DLGAP2: variants seen among roughly 807,000 people sequenced by gnomAD.
The protein encoded by DLGAP2 is DLG associated protein 2.
A neutral mutation model predicts 100.3 loss-of-function variants in DLGAP2; 26 were observed. The ratio of observed to expected loss-of-function variants is 0.26; its 90% CI spans 0.19 to 0.36. The LOEUF is 0.36. DLGAP2 is among the 10% of genes least tolerant of loss of function. The pLI is 1.00. For synonymous variants in DLGAP2, 886 were observed against 630.1 expected, an observed-to-expected ratio of 1.41 and a Z score of -6.08; for missense variants, 1,858 against 1,453.2, an observed-to-expected ratio of 1.28 and a Z score of -4.53.
intron 4 of DLGAP2, among the ~76,000 whole-genome samples, chr8:1,517,101 A>C (rs61701862): frequency 0.018 from 2,702 of 152,154 alleles, 80 homozygotes; most frequent in African/African-American, 0.059. Context: ...CTCAAGGTCC[A>C]AGTCTTCATT....
intron 3 of DLGAP2, among the ~76,000 whole-genome samples, chr8:1,455,601 G>A (rs1342494359): frequency 6.6e-6 from 1 of 152,202 alleles, no homozygotes; most frequent in Non-Finnish European, 1.5e-5. Flanking sequence ...GAGGCGGAGC[G>A]CACCTCATCT....
chr8:993,868 A>G (rs999195706), intron 2 of DLGAP2, among the ~76,000 whole-genome samples: 1 of 143,004 alleles, frequency 7.0e-6, no homozygotes, highest in Non-Finnish European at 1.5e-5. Flanking sequence ...CTTTGATAAT[A>G]CACCAGTTAG....
At chr8:1,330,434 A>T (rs1215184010) in intron 3 of DLGAP2, among the ~76,000 whole-genome samples, 1 of 133,024 alleles carries the variant, frequency 7.5e-6, no homozygotes, top group Non-Finnish European at 1.6e-5. Context: ...GCGGGGACTG[A>T]GTTCTGGGTG....
chr8:1,240,767 A>G (rs77062712), intron 2 of DLGAP2, among the ~76,000 whole-genome samples: 1,001 of 30,186 alleles, frequency 0.033, 141 homozygotes, highest in African/African-American at 0.14. Context: ...CGCCGTGTCT[A>G]GTTGTCTCAC....
At chr8:958,411 C>T (rs747409402) in intron 2 of DLGAP2, among the ~76,000 whole-genome samples, 2 of 152,124 alleles carry the variant, frequency 1.3e-5, no homozygotes, top group African/African-American at 2.4e-5. Flanking sequence ...TCATCTCCCT[C>T]GGGAATGACC....
intron 2 of DLGAP2, among the ~76,000 whole-genome samples, chr8:1,024,373 C>T (rs865978311): frequency 1.9e-4 from 24 of 124,878 alleles, no homozygotes; most frequent in Non-Finnish European, 2.9e-4. Flanking sequence ...AGGCAGACAC[C>T]CCAGCCGCCA....
chr8:859,335 C>G (rs1377965833), intron 1 of DLGAP2, among the ~76,000 whole-genome samples: 1 of 152,184 alleles, frequency 6.6e-6, no homozygotes, highest in Non-Finnish European at 1.5e-5. Context: ...TGGTCTGAAA[C>G]TCCTGACCGC....
chr8:1,689,543 A>T (rs1159627410), intron 12 of DLGAP2, among the ~76,000 whole-genome samples: 6 of 152,228 alleles, frequency 3.9e-5, no homozygotes, highest in Non-Finnish European at 8.8e-5. Flanking sequence ...CAACGGAAGC[A>T]GGAGAAAGGG....
At chr8:1,342,536 C>T (rs1005558010) in intron 3 of DLGAP2, among the ~76,000 whole-genome samples, 15 of 151,852 alleles carry the variant, frequency 9.9e-5, no homozygotes, top group Admixed American at 2.0e-4. Flanking sequence ...GCGGCTCAGT[C>T]GCATCTGCTG....
intron 3 of DLGAP2, among the ~76,000 whole-genome samples, chr8:1,449,178 T>G (rs560308291): frequency 6.6e-6 from 1 of 152,334 alleles, no homozygotes; most frequent in African/African-American, 2.4e-5. Flanking sequence ...ATGATCACGC[T>G]GACCACACAG....
intron 3 of DLGAP2, among the ~76,000 whole-genome samples, chr8:1,424,617 G>C (rs1797188724): frequency 6.6e-6 from 1 of 152,180 alleles, no homozygotes; most frequent in Non-Finnish European, 1.5e-5. Flanking sequence ...ACTTGGAGGA[G>C]TCAGATGCAC....
chr8:1,426,097 G>C (rs944441573), intron 3 of DLGAP2, among the ~76,000 whole-genome samples: 3 of 152,174 alleles, frequency 2.0e-5, no homozygotes, highest in South Asian at 2.1e-4. Flanking sequence ...AAAGCGTCAG[G>C]GTAGGGCAAG....
chr8:1,071,953 G>T (rs1258953509), intron 2 of DLGAP2, among the ~76,000 whole-genome samples: 1 of 152,214 alleles, frequency 6.6e-6, no homozygotes, highest in Non-Finnish European at 1.5e-5. Flanking sequence ...TGGGTGCCGT[G>T]CTGGCTGTAC....
intron 3 of DLGAP2, among the ~76,000 whole-genome samples, chr8:1,466,357 C>T (rs1265283560): frequency 6.6e-6 from 1 of 152,084 alleles, no homozygotes; most frequent in Non-Finnish European, 1.5e-5. Context: ...GCCGTGGCTG[C>T]CGCAGGAGAC....
intron 3 of DLGAP2, among the ~76,000 whole-genome samples, chr8:1,271,248 C>G (rs1443278331): frequency 6.6e-6 from 1 of 152,188 alleles, no homozygotes; most frequent in Non-Finnish European, 1.5e-5. Flanking sequence ...GCTTTCTCCA[C>G]CCAGCACTGA....
At chr8:968,419 AG>A (rs944288462) in intron 2 of DLGAP2, among the ~76,000 whole-genome samples, 2 of 152,138 alleles carry the variant, frequency 1.3e-5, no homozygotes, top group African/African-American at 4.8e-5. Flanking sequence ...AGGTGTTCAC[AG>A]GAAGTCCACA....
At chr8:880,098 C>G (rs1040607771) in intron 1 of DLGAP2, among the ~76,000 whole-genome samples, 6 of 152,122 alleles carry the variant, frequency 3.9e-5, no homozygotes, top group African/African-American at 9.7e-5. Flanking sequence ...CTGGTCTTTC[C>G]TTTGAGAGGG....
Position 1,233,900 on chromosome 8 carries a change from A to C in DLGAP2, c.74-24951A>C, listed in dbSNP as rs145311359. Among the ~76,000 whole-genome samples the C allele has an allele frequency of 3.9e-5, 6 of 152,300 alleles. No individual in the cohort carries two copies. The East Asian group carries it at 1.2e-3, about 29-fold the overall frequency. Reference sequence around the variant, plus strand: ...AGTGTCACACGGATGTATATGGAGGATAATAATTGTAATGGTATTAATGAC... The same window carrying C: ...AGTGTCACACGGATGTATATGGAGGCTAATAATTGTAATGGTATTAATGAC... On this transcript the variant is annotated intron_variant, in intron 2 of 14. Transcript: ENST00000637795.
At chr8:1,126,399 C>T (rs1796165637) in intron 2 of DLGAP2, among the ~76,000 whole-genome samples, 1 of 150,010 alleles carries the variant, frequency 6.7e-6, no homozygotes, top group Admixed American at 6.6e-5. Flanking sequence ...AGGAGGGAGG[C>T]AGGGGAGAGA....
Sources: gnomAD v4.1 joint callset for allele counts (sites outside exome capture counted in the v4.1 genomes callset) on GRCh38, gnomAD v4.1.1 for gene constraint, MANE v1.5 for transcripts, NCBI Gene and HGNC (gene_info 2026-07-23, HGNC 2026-07-21) for gene names.